TENM2: variants seen among roughly 807,000 people sequenced by gnomAD.
TENM2 encodes the protein teneurin transmembrane protein 2, also known as teneurin-2.
A neutral mutation model predicts 245.2 loss-of-function variants in TENM2; 52 were observed. That is an observed-to-expected ratio of 0.21 (90% confidence interval 0.17 to 0.27). The LOEUF (loss-of-function observed/expected upper bound fraction) is 0.27. Ranked by LOEUF, TENM2 falls within the 10% of genes least tolerant of loss-of-function variation. The probability of loss-of-function intolerance (pLI) is 1.00; values close to 1 mark genes in which losing one functional copy is unlikely to be tolerated. For synonymous variants in TENM2, 1,363 were observed against 1,438.9 expected (o/e 0.95, Z 1.19); for missense variants, 3,046 against 3,666.8 (o/e 0.83, Z 4.37).
At chr5:167,492,407 G>T (rs1443195449) in intron 2 of TENM2, among the ~76,000 whole-genome samples, 1 of 151,966 alleles carries the variant, frequency 6.6e-6, no homozygotes, top group Non-Finnish European at 1.5e-5. Context: ...ATCTGGCAAG[G>T]ATACAATAAG....
the TENM2 span, among the ~76,000 whole-genome samples, chr5:167,048,046 G>A: frequency 6.6e-6 from 1 of 152,138 alleles, no homozygotes; most frequent in South Asian, 2.1e-4. Flanking sequence ...GCTATGCTCA[G>A]TGGCTTTGCC....
chr5:167,081,198 CAT>C, the TENM2 span, among the ~76,000 whole-genome samples: 1 of 151,702 alleles, frequency 6.6e-6, no homozygotes, highest in Non-Finnish European at 1.5e-5. Context: ...AAGGGGAAAA[CAT>C]ATCTTTAGAA....
chr5:167,121,116 G>T, the TENM2 span, among the ~76,000 whole-genome samples: 1 of 151,958 alleles, frequency 6.6e-6, no homozygotes, highest in Non-Finnish European at 1.5e-5. Flanking sequence ...ATGTGTCCAG[G>T]TTGCTTTGTG....
chr5:167,663,141 GGAGAGAGA>G (rs544699415), intron 2 of TENM2, among the ~76,000 whole-genome samples: 10,904 of 108,886 alleles, frequency 0.1, 363 homozygotes, highest in East Asian at 0.23. Flanking sequence ...ATGGGGATGG[GGAGAGAGA>G]GAGAGAGAGA....
chr5:167,789,337 A>G (rs1484672643), intron 2 of TENM2, among the ~76,000 whole-genome samples: 1 of 152,196 alleles, frequency 6.6e-6, no homozygotes, highest in Non-Finnish European at 1.5e-5. Flanking sequence ...GGAAGCCAGA[A>G]CTAGTCGTAG....
chr5:167,561,685 C>T (rs1562056160), intron 2 of TENM2, among the ~76,000 whole-genome samples: 1 of 152,188 alleles, frequency 6.6e-6, no homozygotes, highest in Non-Finnish European at 1.5e-5. Context: ...GAGTGTTAGG[C>T]TTTATTCCTG....
the TENM2 span, among the ~76,000 whole-genome samples, chr5:167,014,213 C>T: frequency 7.3e-6 from 1 of 137,684 alleles, no homozygotes; most frequent in East Asian, 2.2e-4. Context: ...CCTAAAGTTT[C>T]ATAGTGTCAA....
chr5:167,216,576 G>T, the TENM2 span, among the ~76,000 whole-genome samples: 2 of 152,062 alleles, frequency 1.3e-5, no homozygotes, highest in African/African-American at 2.4e-5. Flanking sequence ...AATTATTCCC[G>T]GAATGGCTAC....
chr5:167,647,233 G>A (rs565780387), intron 2 of TENM2, among the ~76,000 whole-genome samples: 1 of 152,320 alleles, frequency 6.6e-6, no homozygotes, highest in Admixed American at 6.5e-5. Flanking sequence ...GGCTGGTGGA[G>A]TTGATGGATC....
At chr5:168,106,410 C>A (rs1368253763) in intron 9 of TENM2, among the ~76,000 whole-genome samples, 1 of 152,148 alleles carries the variant, frequency 6.6e-6, no homozygotes, top group African/African-American at 2.4e-5. Context: ...CGCCAACCAC[C>A]GTGCTGAACA....
chr5:168,009,485 G>T (rs570953682), intron 5 of TENM2, among the ~76,000 whole-genome samples: 2 of 152,300 alleles, frequency 1.3e-5, no homozygotes, highest in East Asian at 3.9e-4. Flanking sequence ...AGACATCAGG[G>T]AATGTGCCTT....
intron 12 of TENM2, chr5:168,130,387 T>C (rs993594734): frequency 1.3e-5 from 2 of 152,204 alleles, no homozygotes; most frequent in African/African-American, 2.4e-5. Flanking sequence ...ATCTACAGAA[T>C]TGTGTAGATA....
chr5:167,458,571 A>G (rs1242661755), intron 2 of TENM2, among the ~76,000 whole-genome samples: 1 of 150,798 alleles, frequency 6.6e-6, no homozygotes, highest in Non-Finnish European at 1.5e-5. Context: ...AGTGAAAAGG[A>G]TTTTTATGGC....
At chr5:168,090,504 G>A in intron 7 of TENM2, 70 bp from the exon 10 acceptor site, 2 of 1,382,486 alleles carry the variant, frequency 1.4e-6, no homozygotes, top group Non-Finnish European at 2.0e-6. Flanking sequence ...TGGGTTCGGG[G>A]GGAAGGTACC....
At chr5:167,585,461 A>G (rs1437974519) in intron 2 of TENM2, among the ~76,000 whole-genome samples, 1 of 152,222 alleles carries the variant, frequency 6.6e-6, no homozygotes, top group Non-Finnish European at 1.5e-5. Context: ...GCATTTTGCT[A>G]GGAACTGGAG....
intron 1 of TENM2, among the ~76,000 whole-genome samples, chr5:167,308,352 A>G (rs1755803820): frequency 6.6e-6 from 1 of 152,176 alleles, no homozygotes; most frequent in African/African-American, 2.4e-5. Flanking sequence ...CAAAGTTCCT[A>G]CACCCAGTAT....
Position 167,598,425 on chromosome 5 carries a change from G to C in TENM2, c.502+222952G>C, listed in dbSNP as rs1472355711. 2.0e-5 allele frequency among the ~76,000 whole-genome samples: 3 copies of C among 152,208 alleles called. No homozygotes were observed. In the East Asian group the frequency reaches 5.8e-4, roughly 29 times the overall value. On this transcript the variant is annotated intron_variant, in intron 2 of 28. Coordinates refer to ENST00000518659, the Ensembl canonical transcript of TENM2. ...TCTCCAGCTCTCCTGAAATCTCAAG[G>C]GGGACTATGATATTTTAAAAGCAAC...
rs1197871826 is a variant in TENM2 at position 167,929,039 on chromosome 5, AAAG to A, written c.713-23546_713-23544del. Among the ~76,000 whole-genome samples, 6 of 139,680 alleles carry A rather than the reference AAAG, an allele frequency of 4.3e-5. No homozygotes were observed. In the South Asian group the frequency reaches 1.1e-3, roughly 27 times the overall value. 91.6% of individuals were successfully genotyped at this position (139,680 alleles called of 152,430 possible). On this transcript the variant is annotated intron_variant, in intron 3 of 28. Transcript: ENST00000518659. The stretch of plus-strand genomic sequence containing the variant: ...GAAAGAGAAAGGAAAGAAAGAAAGA[AAAG>A]AAAAAAGAAAGAAAGAGAGAAAGAA...
At chr5:168,246,110 G>A (rs1450628453) in intron 26 of TENM2, among the ~76,000 whole-genome samples, 1 of 152,014 alleles carries the variant, frequency 6.6e-6, no homozygotes, top group Non-Finnish European at 1.5e-5. Context: ...GTGCATGCCT[G>A]TAATTCCAGC....
Sources: allele counts gnomAD v4.1 joint callset (sites outside exome capture counted in the v4.1 genomes callset), GRCh38; gene constraint gnomAD v4.1.1; transcripts MANE v1.5; gene names NCBI Gene and HGNC (gene_info 2026-07-23, HGNC 2026-07-21).